SYCE2: variants seen among roughly 807,000 people sequenced by gnomAD.
SYCE2 encodes the protein synaptonemal complex central element protein 2, also known as central element synaptonemal complex 1.
Under a neutral mutation model 27.9 loss-of-function variants are expected in SYCE2, and 3 were observed. The observed-to-expected ratio is 0.11, with a 90% CI of 0.05 to 0.28. The LOEUF is 0.28. Ranked by LOEUF, SYCE2 falls within the 10% of genes least tolerant of loss-of-function variation. The pLI is 1.00. For missense variants in SYCE2, 207 were observed against 263.5 expected, an observed-to-expected ratio of 0.79 and a Z score of 1.48; for synonymous variants, 85 against 100.7, an observed-to-expected ratio of 0.84 and a Z score of 0.93.
chr19:12,908,743 T>C lies in SYCE2; in HGVS notation c.132-4077A>G, dbSNP rs573470765. Among the ~76,000 whole-genome samples the C allele has an allele frequency of 1.2e-3, 189 of 152,290 alleles. 1 individual carries two copies. Among genetic ancestry groups the C allele is most frequent in the South Asian group, 9.5e-3 (46 of 4,826 alleles). On this transcript the variant is annotated intron_variant, in intron 2 of 5. Transcript: ENST00000293695. ...CACCATGACCTTGTGGTTAGACCGA[T>C]AGACATCTCAGAGTGACATGCTGAC...
chr19:12,917,913 C>A (rs1971165666), intron 2 of SYCE2, among the ~76,000 whole-genome samples: 3 of 152,092 alleles, frequency 2.0e-5, no homozygotes, highest in East Asian at 1.9e-4. Context: ...CCCGCCTTGG[C>A]CTCCCAAAGT....
chr19:12,904,616 G>T lies in SYCE2; in HGVS notation c.182C>A (p.Ser61Tyr). ...VLEGKSGLYF[S>Y]SLDSSIDILQ... ...GATGTCAATGCTTGAGTCCAGAGAG[G>T]AGAAGTAGAGTCCCGACTTCCCTTC... The change falls in exon 3 of 6, where the codon TCC becomes TAC. Residue 61 changes from serine to tyrosine, a missense_variant. Transcript: ENST00000293695. The T allele has an allele frequency of 6.2e-7, 1 of 1,614,010 alleles. No individual in the cohort carries two copies. The highest frequency in any genetic ancestry group is 8.5e-7 in the Non-Finnish European group (1 of 1,179,994).
chr19:12,902,718 G>C (rs923714398), intron 3 of SYCE2, among the ~76,000 whole-genome samples: 1 of 152,090 alleles, frequency 6.6e-6, no homozygotes, highest in Non-Finnish European at 1.5e-5. Flanking sequence ...GAGAGGCTGA[G>C]GTGAGAAGAT....
At chr19:12,902,184 G>C (rs2145964171) in intron 3 of SYCE2, among the ~76,000 whole-genome samples, 1 of 152,194 alleles carries the variant, frequency 6.6e-6, no homozygotes, top group Non-Finnish European at 1.5e-5. Context: ...GTGTGTAGTA[G>C]ACTATACCAT....
chr19:12,914,274 G>C (rs550708741), intron 2 of SYCE2: 7 of 152,216 alleles, frequency 4.6e-5, no homozygotes, highest in East Asian at 1.9e-4. Flanking sequence ...TGTGTGATGG[G>C]GGGGAAGCCC....
At chr19:12,911,013 C>T (rs959300235) in intron 2 of SYCE2, among the ~76,000 whole-genome samples, 2 of 151,864 alleles carry the variant, frequency 1.3e-5, no homozygotes, top group African/African-American at 2.4e-5. Flanking sequence ...GGGTTTGCTA[C>T]ATTGCCAAGC....
At chr19:12,919,165 A>AT in intron 1 of SYCE2, 78 bp downstream of exon 1, 1 of 1,582,566 alleles carries the variant, frequency 6.3e-7, no homozygotes, top group Non-Finnish European at 8.6e-7. Context: ...GGTCCGCTGG[A>AT]GATGGCTGGG....
At chr19:12,902,511 T>G (rs1970857939) in intron 3 of SYCE2, among the ~76,000 whole-genome samples, 1 of 152,138 alleles carries the variant, frequency 6.6e-6, no homozygotes, top group South Asian at 2.1e-4. Context: ...GGTGCACACC[T>G]GTAGTCTCAG....
chr19:12,906,995 A>G lies in SYCE2; in HGVS notation c.132-2329T>C, dbSNP rs1035132470. On this transcript the variant is annotated intron_variant, in intron 2 of 5. Transcript: ENST00000293695. ...TTTATGGAAAAAATGTGATCTGATA[A>G]GGCAACCCATTGGTATTTTAAATTA... Among the ~76,000 whole-genome samples, 9 of 152,226 alleles carry G rather than the reference A, an allele frequency of 5.9e-5. No homozygotes were observed. In the South Asian group the frequency reaches 1.9e-3, roughly 32 times the overall value.
At chr19:12,910,621 C>G (rs1329277233) in intron 2 of SYCE2, among the ~76,000 whole-genome samples, 3 of 151,902 alleles carry the variant, frequency 2.0e-5, no homozygotes, top group African/African-American at 4.8e-5. Context: ...GATCCGCCTG[C>G]TTCGGCCTCC....
intron 1 of SYCE2, 107 bp from the exon 2 acceptor site, chr19:12,918,444 C>T (rs929771623): frequency 1.3e-5 from 13 of 1,012,884 alleles, no homozygotes; most frequent in African/African-American, 3.2e-5. Flanking sequence ...TGCTGCGGGA[C>T]GGTGGGGACC....
At chr19:12,907,043 A>C (rs1458378922) in intron 2 of SYCE2, among the ~76,000 whole-genome samples, 1 of 152,230 alleles carries the variant, frequency 6.6e-6, no homozygotes, top group East Asian at 1.9e-4. Context: ...TCTTCTTCTG[A>C]TGCTCTGGTT....
chr19:12,899,776 A>C, intron 5 of SYCE2: 1 of 1,604,164 alleles, frequency 6.2e-7, no homozygotes. Flanking sequence ...CATGGATGAG[A>C]GCAGACTCCA....
At chr19:12,915,908 C>T (rs1447015386) in intron 2 of SYCE2, among the ~76,000 whole-genome samples, 1 of 152,176 alleles carries the variant, frequency 6.6e-6, no homozygotes, top group Non-Finnish European at 1.5e-5. Flanking sequence ...TCCCTGGCTC[C>T]CCATTCCAGG....
intron 2 of SYCE2, chr19:12,914,116 T>A (rs780728634): frequency 2.6e-5 from 4 of 152,232 alleles, no homozygotes; most frequent in African/African-American, 9.7e-5. Context: ...CATGTGGATG[T>A]CCCTGGCCAC....
intron 2 of SYCE2, among the ~76,000 whole-genome samples, chr19:12,911,028 G>A (rs189836770): frequency 3.2e-4 from 48 of 151,728 alleles, no homozygotes; most frequent in Admixed American, 2.7e-3. Flanking sequence ...CCAAGCTGGA[G>A]TACATCAGTA....
chr19:12,910,544 T>TATATTTTTA (rs1368301642), intron 2 of SYCE2, among the ~76,000 whole-genome samples: 1 of 151,442 alleles, frequency 6.6e-6, no homozygotes, highest in African/African-American at 2.4e-5. Flanking sequence ...GGCTAATTTT[T>TATATTTTTA]GTATTTTTAG....
chr19:12,908,122 CAG>C (rs1453201918), intron 2 of SYCE2, among the ~76,000 whole-genome samples: 3 of 151,968 alleles, frequency 2.0e-5, no homozygotes, highest in Admixed American at 6.6e-5. Flanking sequence ...GCCTGGGCGA[CAG>C]AGTGAGACCC....
intron 2 of SYCE2, among the ~76,000 whole-genome samples, chr19:12,905,245 GGTCT>G (rs1237121294): frequency 6.6e-6 from 1 of 152,176 alleles, no homozygotes; most frequent in Non-Finnish European, 1.5e-5. Flanking sequence ...AGACCAAGGA[GGTCT>G]GTCTGTCCCC....
Sources: gnomAD v4.1 joint callset for allele counts (sites outside exome capture counted in the v4.1 genomes callset) on GRCh38, gnomAD v4.1.1 for gene constraint, MANE v1.5 for transcripts, NCBI Gene and HGNC (gene_info 2026-07-23, HGNC 2026-07-21) for gene names.